TMEM132D: variants seen among roughly 807,000 people sequenced by gnomAD.
The protein encoded by TMEM132D is mature OL transmembrane protein.
Under a neutral mutation model 62.3 loss-of-function variants are expected in TMEM132D, and 21 were observed. That is an observed-to-expected ratio of 0.34 (90% CI 0.24 to 0.49). TMEM132D has a LOEUF of 0.49. Among genes scored for constraint, TMEM132D ranks in the 20% least tolerant of loss-of-function variants. The pLI, the probability that TMEM132D is intolerant of heterozygous loss-of-function variation, is 0.99. For missense variants in TMEM132D, 1,346 were observed against 1,402.8 expected (o/e 0.96, Z 0.65); for synonymous variants, 621 against 575.6 (o/e 1.08, Z -1.13).
chr12:129,334,947 T>C (rs1869226527), intron 4 of TMEM132D, among the ~76,000 whole-genome samples: 1 of 152,142 alleles, frequency 6.6e-6, no homozygotes, highest in Non-Finnish European at 1.5e-5. Flanking sequence ...GGTGCCTACA[T>C]ACTGCCTACC....
intron 3 of TMEM132D, among the ~76,000 whole-genome samples, chr12:129,499,713 T>A (rs1291654088): frequency 1.3e-5 from 2 of 152,156 alleles, no homozygotes; most frequent in Non-Finnish European, 2.9e-5. Flanking sequence ...CTTGGGAAAG[T>A]CCACTTCAGA....
chr12:129,205,636 G>C (rs1317974315), intron 5 of TMEM132D, among the ~76,000 whole-genome samples: 1 of 151,988 alleles, frequency 6.6e-6, no homozygotes, highest in East Asian at 1.9e-4. Flanking sequence ...AGATATTCAG[G>C]ACCTGAACTC....
At chr12:129,765,629 G>A (rs1870526250) in intron 1 of TMEM132D, among the ~76,000 whole-genome samples, 1 of 151,264 alleles carries the variant, frequency 6.6e-6, no homozygotes, top group African/African-American at 2.4e-5. Flanking sequence ...GTCCACAAGA[G>A]ATTAAACCAA....
At chr12:129,711,918 G>A (rs1488810582) in intron 1 of TMEM132D, among the ~76,000 whole-genome samples, 1 of 151,390 alleles carries the variant, frequency 6.6e-6, no homozygotes, top group Non-Finnish European at 1.5e-5. Flanking sequence ...CAAAGTCCCA[G>A]GGTTGTGCTA....
intron 4 of TMEM132D, among the ~76,000 whole-genome samples, chr12:129,269,183 C>CT (rs1040240052): frequency 2.6e-5 from 4 of 151,950 alleles, no homozygotes; most frequent in Admixed American, 6.6e-5. Flanking sequence ...TTTCTTCCCT[C>CT]TTTTTTTTAT....
chr12:129,766,916 G>A (rs1396638263), intron 1 of TMEM132D, among the ~76,000 whole-genome samples: 1 of 152,192 alleles, frequency 6.6e-6, no homozygotes, highest in South Asian at 2.1e-4. Flanking sequence ...ACACCCGGAA[G>A]TTACCACCCA....
chr12:129,202,526 A>C (rs1878732391), intron 5 of TMEM132D, among the ~76,000 whole-genome samples: 1 of 152,188 alleles, frequency 6.6e-6, no homozygotes, highest in Non-Finnish European at 1.5e-5. Flanking sequence ...TTCATGAGTC[A>C]TTCTCAGAAA....
At chr12:129,504,591 T>A (rs1875273036) in intron 3 of TMEM132D, among the ~76,000 whole-genome samples, 1 of 152,224 alleles carries the variant, frequency 6.6e-6, no homozygotes, top group Non-Finnish European at 1.5e-5. Context: ...TCATTTGTAA[T>A]TGAGTTCATT....
At chr12:129,363,708 G>A (rs576800657) in intron 3 of TMEM132D, among the ~76,000 whole-genome samples, 69 of 152,338 alleles carry the variant, frequency 4.5e-4, no homozygotes, top group African/African-American at 1.6e-3. Flanking sequence ...CGGCCTTCAA[G>A]TGCTCAAGGT....
chr12:129,340,522 T>C (rs1869439398), intron 3 of TMEM132D, among the ~76,000 whole-genome samples: 2 of 151,898 alleles, frequency 1.3e-5, no homozygotes, highest in South Asian at 4.2e-4. Context: ...GTGTTCTCAT[T>C]GTTCAATTCC....
chr12:129,431,178 G>GAGGT (rs766380872), intron 3 of TMEM132D, among the ~76,000 whole-genome samples: 6 of 152,214 alleles, frequency 3.9e-5, no homozygotes, highest in Non-Finnish European at 7.3e-5. Context: ...AGTAGCCCTT[G>GAGGT]AGGTAGCTCC....
intron 4 of TMEM132D, among the ~76,000 whole-genome samples, chr12:129,312,922 G>A (rs983504126): frequency 2.6e-5 from 4 of 152,202 alleles, no homozygotes; most frequent in Admixed American, 6.5e-5. Context: ...TATTGTAAAG[G>A]TGGAACTATT....
intron 1 of TMEM132D, among the ~76,000 whole-genome samples, chr12:129,742,957 T>C (rs73436123): frequency 6.6e-6 from 1 of 152,310 alleles, no homozygotes; most frequent in African/African-American, 2.4e-5. Flanking sequence ...ATTGAGAAAA[T>C]GAACACATTG....
intron 1 of TMEM132D, among the ~76,000 whole-genome samples, chr12:129,763,209 C>T (rs899357609): frequency 6.6e-6 from 1 of 152,148 alleles, no homozygotes; most frequent in Non-Finnish European, 1.5e-5. Context: ...TCCCGAATAG[C>T]TGGGACTACA....
chr12:129,743,078 G>A (rs1869657449), intron 1 of TMEM132D, among the ~76,000 whole-genome samples: 1 of 152,218 alleles, frequency 6.6e-6, no homozygotes, highest in Non-Finnish European at 1.5e-5. Context: ...CTGCCCTCAT[G>A]GCCTGGGCCT....
chr12:129,884,583 G>GAT lies in TMEM132D; in HGVS notation c.79+18677_79+18678insAT, dbSNP rs200018155. ...ATGAAGTACCACTACACATGTATTA[G>GAT]AATGGCTACAATAAAATTACAATAT... On this transcript the variant is annotated intron_variant, in intron 1 of 8. Transcript: ENST00000422113. 1.2e-4 allele frequency among the ~76,000 whole-genome samples: 19 copies of GAT among 152,378 alleles called. No individual in the cohort carries two copies. In the East Asian group the frequency reaches 3.3e-3, roughly 26 times the overall value.
At chr12:129,368,144 C>T (rs1169861171) in intron 3 of TMEM132D, among the ~76,000 whole-genome samples, 1 of 152,090 alleles carries the variant, frequency 6.6e-6, no homozygotes, top group African/African-American at 2.4e-5. Flanking sequence ...AATTAAAATA[C>T]CGAGTGACAC....
intron 2 of TMEM132D, among the ~76,000 whole-genome samples, chr12:129,568,601 T>G (rs155699): frequency 0.87 from 132,365 of 152,240 alleles, 57,673 homozygotes; most frequent in East Asian, 0.99. Flanking sequence ...GGAGAGGCAG[T>G]TCATTTCTTA....
intron 3 of TMEM132D, among the ~76,000 whole-genome samples, chr12:129,447,905 T>A (rs895699533): frequency 1.3e-5 from 2 of 152,198 alleles, no homozygotes; most frequent in Admixed American, 1.3e-4. Context: ...TTTGTTATAA[T>A]CTGCAAGGTG....
Sources: allele counts gnomAD v4.1 joint callset (sites outside exome capture counted in the v4.1 genomes callset), GRCh38; gene constraint gnomAD v4.1.1; transcripts MANE v1.5; gene names NCBI Gene and HGNC (gene_info 2026-07-23, HGNC 2026-07-21).